NAPRT: variants seen among roughly 807,000 people sequenced by gnomAD.
The protein encoded by NAPRT is nicotinate phosphoribosyltransferase.
A neutral mutation model predicts 60.7 loss-of-function variants in NAPRT; 66 were observed. The ratio of observed to expected loss-of-function variants is 1.09; its 90% confidence interval spans 0.89 to 1.33. The LOEUF is 1.33. Among genes scored for constraint, NAPRT ranks in the 40% most tolerant of loss-of-function variants. NAPRT has a pLI of 0.00. For synonymous variants in NAPRT, 405 were observed against 335.7 expected (o/e 1.21, Z -2.26); for missense variants, 818 against 731.5 (o/e 1.12, Z -1.36).
At position 143,576,168 on chromosome 8, in the gene NAPRT, G is replaced by C; in HGVS notation, c.1023-6C>G. Reference sequence around the variant, plus strand: ...CCAGCCAGGGCACCTGGAACCTGCCGCGTGGGTGGAGAAAGGGTGGGGGCC... The same window carrying C: ...CCAGCCAGGGCACCTGGAACCTGCCCCGTGGGTGGAGAAAGGGTGGGGGCC... On this transcript the variant is annotated splice_region_variant and splice_polypyrimidine_tract_variant and intron_variant, in intron 7 of 12. Coordinates refer to ENST00000449291, the MANE Select transcript of NAPRT (RefSeq NM_145201.6). The C allele has an allele frequency of 2.5e-6, 4 of 1,590,610 alleles. No individual in the cohort carries two copies. Among genetic ancestry groups the C allele is most frequent in the Non-Finnish European group, 3.4e-6 (4 of 1,166,800 alleles).
chr8:143,578,063 G>A (rs1469492105), intron 1 of NAPRT, 30 bp downstream of exon 1: 9 of 1,500,884 alleles, frequency 6.0e-6, no homozygotes, highest in Non-Finnish European at 8.0e-6. Flanking sequence ...TGCCGGGCGT[G>A]GGGGGCTCGT....
In NAPRT at chr8:143,578,231, A is replaced by C. The variant is rs996309374; in HGVS notation, c.88T>G (p.Trp30Gly). ...GCGTCCCGCGCCCGGCCCGCGCGCC[A>C]ATAGCCCAACGCCATGGTGGCCTGG... ...LYQATMALGYWRAGRARDAAE... is the reference protein window; with the variant it reads ...LYQATMALGYGRAGRARDAAE... The change falls in exon 1 of 13, where the codon TGG (tryptophan) becomes GGG (glycine). Residue 30 changes from tryptophan (W) to glycine (G), a missense_variant. Coordinates refer to ENST00000449291, the MANE Select transcript of NAPRT (RefSeq NM_145201.6). The C allele has an allele frequency of 1.3e-6, 2 of 1,502,168 alleles. No individual in the cohort carries two copies. The highest frequency in any genetic ancestry group is 1.8e-6 in the Non-Finnish European group (2 of 1,130,670). 93.1% of individuals were successfully genotyped at this position (1,502,168 alleles called of 1,614,324 possible).
In NAPRT at chr8:143,575,298, G is replaced by A. The variant is rs1430436013; in HGVS notation, c.1339C>T (p.Gln447Ter). The change falls in exon 11 of 13, where the codon CAG becomes TAG. Residue 447 changes from glutamine (Q) to a stop codon, truncating the protein, a stop_gained. Coordinates refer to ENST00000449291, the MANE Select transcript of NAPRT (RefSeq NM_145201.6). LOFTEE classifies it high-confidence loss of function. The stretch of plus-strand genomic sequence containing the variant: ...CACACCCTCAGCTCCTGCCCAGCCT[G>A]TGGCACTGGCTCTTCTGCTAACTGC... ...MLQLAEEPVP[Q>*]AGQELRVWPP... The A allele has an allele frequency of 6.2e-7, 1 of 1,612,712 alleles. No individual in the cohort carries two copies. Among genetic ancestry groups the A allele is most frequent in the Non-Finnish European group, 8.5e-7 (1 of 1,179,976 alleles).
At position 143,577,050 on chromosome 8, in the gene NAPRT, G is replaced by A. The variant is rs775323419; in HGVS notation, c.684+12C>T. 2.1e-5 allele frequency: 34 copies of A among 1,610,862 alleles called. No homozygotes were observed. Among genetic ancestry groups the A allele is most frequent in the Non-Finnish European group, 2.6e-5 (31 of 1,178,268 alleles). On this transcript the variant is annotated intron_variant, in intron 5 of 12. Coordinates refer to ENST00000449291, the MANE Select transcript of NAPRT (RefSeq NM_145201.6). ...TCGCCTGGAGACAGCAGGGTTTAGA[G>A]GAGGGACTGACCGGGTCAGGGGGCA...
rs1282745195 is a variant in NAPRT, at chr8:143,576,752, G to A, written c.775C>T (p.Leu259=). 6.2e-7 allele frequency: 1 copy of A among 1,607,368 alleles called. No homozygotes were observed. The highest frequency in any genetic ancestry group is 8.5e-7 in the Non-Finnish European group (1 of 1,178,620). The change falls in exon 6 of 13, where the codon CTG becomes TTG. Residue 259 remains leucine, a synonymous_variant. Transcript: ENST00000449291. ...CCTGGATGCGGCTCCTGCACCCCCAGCCCCAGGTGGGCACACACCTGCTCC... is the reference window on the plus strand; with the variant it reads ...CCTGGATGCGGCTCCTGCACCCCCAACCCCAGGTGGGCACACACCTGCTCC... The part of the protein sequence containing the change: ...WLEQVCAHLG[L]GVQEPHPGER...
At chr8:143,576,890 G>A (rs1468766354) in intron 5 of NAPRT, 48 bp from the exon 6 acceptor site, 3 of 1,550,684 alleles carry the variant, frequency 1.9e-6, no homozygotes, top group Middle Eastern at 4.4e-4. Flanking sequence ...TGCAGGATGA[G>A]GCCTGGGAGC....
intron 9 of NAPRT, 25 bp from the exon 10 acceptor site, chr8:143,575,550 G>T: frequency 1.3e-6 from 2 of 1,595,492 alleles, no homozygotes; most frequent in Non-Finnish European, 1.7e-6. Flanking sequence ...CGTTGAGCTG[G>T]CTGGTCCTTA....
At position 143,577,700 on chromosome 8, in the gene NAPRT, G is replaced by C; in HGVS notation, c.394C>G (p.Gln132Glu). Residue 132 changes from glutamine to glutamate, a missense_variant, in exon 3 of 13, where the codon CAG becomes GAG. Coordinates refer to ENST00000449291, the MANE Select transcript of NAPRT (RefSeq NM_145201.6). ...LQVSGPLLVVQLLETPLLCLV... is the reference protein window; with the variant it reads ...LQVSGPLLVVELLETPLLCLV... ...CAGAGCAGCGGTGTCTCCAGCAGCT[G>C]CACCACCAGGAGCGGCCCGGACACC... 1 of 1,543,818 alleles carries C rather than the reference G, an allele frequency of 6.5e-7. No homozygotes were observed.
chr8:143,578,140 A>T lies in NAPRT; in HGVS notation c.179T>A (p.Leu60Ter), dbSNP rs1824649399. ...FGGAFALAAG[L>*]RDCVRFLRAF... ...GCGCAGGAAGCGCACACAGTCGCGC[A>T]AGCCGGCGGCCAAGGCGAAGGCGCC... is the stretch of plus-strand genomic sequence containing the variant. Residue 60 changes from leucine (L) to a stop codon, truncating the protein, a stop_gained, in exon 1 of 13, where the codon TTG becomes TAG. Transcript: ENST00000449291. LOFTEE classifies it high-confidence loss of function. 3 of 1,523,650 alleles carry T rather than the reference A, an allele frequency of 2.0e-6. No individual in the cohort carries two copies. In the Admixed American group the frequency reaches 6.4e-5, roughly 32 times the overall value. 94.4% of individuals were successfully genotyped at this position (1,523,650 alleles called of 1,614,324 possible).
At chr8:143,577,422 G>C (rs748725215) in intron 3 of NAPRT, 23 bp from the exon 4 acceptor site, 1 of 1,595,106 alleles carries the variant, frequency 6.3e-7, no homozygotes, top group Non-Finnish European at 8.5e-7. Flanking sequence ...AAGAGTCAGG[G>C]GGTCCCAGGG....
downstream of NAPRT, chr8:143,573,025 CCTGA>C: frequency 7.3e-6 from 3 of 413,396 alleles, no homozygotes; most frequent in African/African-American, 2.1e-5. Context: ...GGGCCCCCAC[CCTGA>C]CTACCAGCCC....
At chr8:143,577,553 TG>T in intron 3 of NAPRT, 103 bp downstream of exon 3, 1 of 1,473,136 alleles carries the variant, frequency 6.8e-7, no homozygotes, top group African/African-American at 1.4e-5. Context: ...AGGCCAGTCC[TG>T]GGACCCCTGG....
rs1006299431 is a variant in NAPRT, at chr8:143,578,275, G to T, written c.44C>A (p.Pro15Gln). The change falls in exon 1 of 13, where the codon CCG becomes CAG. Residue 15 changes from proline (P) to glutamine (Q), a missense_variant. Physicochemically the swap from Pro to Gln is moderately conservative, Grantham distance 76 (BLOSUM62 -1). Transcript: ENST00000449291. The stretch of plus-strand genomic sequence containing the variant: ...GGCCTGGTAGAGGTCAGTGAGCAGC[G>T]GCCGCGCCGCCGCGCGCGCCTCGGG... Reference protein sequence around the residue: ...QDPEARAAARPLLTDLYQATM... With the variant: ...QDPEARAAARQLLTDLYQATM... 22 of 1,413,194 alleles carry T rather than the reference G, an allele frequency of 1.6e-5. No individual in the cohort carries two copies. The highest frequency in any genetic ancestry group is 1.9e-5 in the Non-Finnish European group (21 of 1,089,606). The allele number at this position is 1,413,194 out of a possible 1,614,324, so 87.5% of individuals were successfully genotyped here.
At chr8:143,576,186 TG>T in intron 7 of NAPRT, 24 bp from the exon 8 acceptor site, 2 of 1,571,156 alleles carry the variant, frequency 1.3e-6, no homozygotes, top group Non-Finnish European at 8.7e-7. Context: ...GGAGAAAGGG[TG>T]GGGGCCACCC....
intron 9 of NAPRT, 45 bp from the exon 10 acceptor site, chr8:143,575,570 C>G: frequency 6.3e-7 from 1 of 1,592,682 alleles, no homozygotes; most frequent in South Asian, 1.1e-5. Context: ...ATCCCCCACC[C>G]AGCACCATCC....
chr8:143,573,946 C>G (rs1456089476), downstream of NAPRT: 1 of 152,318 alleles, frequency 6.6e-6, no homozygotes, highest in Non-Finnish European at 1.5e-5. Flanking sequence ...ACGGAAGTGC[C>G]CCAGGCGGTC....
intron 5 of NAPRT, 64 bp downstream of exon 5, chr8:143,576,998 C>T: frequency 6.4e-7 from 1 of 1,567,648 alleles, no homozygotes; most frequent in Admixed American, 1.7e-5. Flanking sequence ...ACACCTCTCG[C>T]CAGGGCAAGG....
rs756035328 is a variant in NAPRT at position 143,575,457 on chromosome 8, CCCAGGCAA to C, written c.1249_1256del (p.Leu417GlufsTer11). On this transcript the variant is annotated frameshift_variant, in exon 10 of 13. Coordinates refer to ENST00000449291, the MANE Select transcript of NAPRT (RefSeq NM_145201.6). LOFTEE classifies it high-confidence loss of function. Reference sequence around the variant, plus strand: ...CCAGGAGCCGGAAAGCAGCCTTGCTCCCAGGCAACGTCTGCTTCTCGGGGTCCTCGGTC... The same window carrying C: ...CCAGGAGCCGGAAAGCAGCCTTGCTCCGTCTGCTTCTCGGGGTCCTCGGTC... 9 of 1,595,202 alleles carry C rather than the reference CCCAGGCAA, an allele frequency of 5.6e-6. No homozygotes were observed. The highest frequency in any genetic ancestry group is 7.7e-6 in the Non-Finnish European group (9 of 1,165,246).
Position 143,575,345 on chromosome 8 carries a change from C to G in NAPRT, c.1292G>C (p.Gly431Ala). Residue 431 changes from glycine to alanine, a missense_variant and splice_region_variant, in exon 11 of 13, where the codon GGG becomes GCG. Transcript: ENST00000449291. ...CTGCAGCATGTCCATGAGTGGAGAC[C>G]CTGTGTGGACGGGGCAAGAATAAGC... ...KAAFRLLGSD[G>A]SPLMDMLQLA... 1 of 1,609,868 alleles carries G rather than the reference C, an allele frequency of 6.2e-7. No individual in the cohort carries two copies. Among genetic ancestry groups the G allele is most frequent in the Non-Finnish European group, 8.5e-7 (1 of 1,177,520 alleles).
Sources: allele counts gnomAD v4.1 joint callset, GRCh38; gene constraint gnomAD v4.1.1; transcripts MANE v1.5; gene names NCBI Gene and HGNC (gene_info 2026-07-23, HGNC 2026-07-21).